SNX4: variants seen among roughly 807,000 people sequenced by gnomAD.
The protein encoded by SNX4 is sorting nexin 4.
In SNX4, 49 loss-of-function variants were observed where a neutral mutation model predicts 70.8. The observed-to-expected ratio is 0.69, with a 90% CI of 0.55 to 0.88. The LOEUF is 0.88. Ranked by LOEUF, SNX4 falls within the 40% of genes least tolerant of loss-of-function variation. The probability of loss-of-function intolerance (pLI) is 0.00; values close to 1 mark genes in which losing one functional copy is unlikely to be tolerated. For missense variants in SNX4, 528 were observed against 544.8 expected (o/e 0.97, Z 0.31); for synonymous variants, 206 against 183.8 (o/e 1.12, Z -0.98).
chr3:125,507,665 T>G (rs945577421), intron 1 of SNX4, among the ~76,000 whole-genome samples: 1 of 152,188 alleles, frequency 6.6e-6, no homozygotes, highest in Non-Finnish European at 1.5e-5. Context: ...AATAAGGTTA[T>G]CAGCAAATTT....
At chr3:125,500,909 C>G (rs1580004659) in intron 2 of SNX4, among the ~76,000 whole-genome samples, 1 of 106,680 alleles carries the variant, frequency 9.4e-6, no homozygotes, top group African/African-American at 3.6e-5. Context: ...AAAAAAATTA[C>G]AGAAACAAAA....
chr3:125,495,006 C>T (rs918849490), intron 5 of SNX4, among the ~76,000 whole-genome samples: 2 of 151,848 alleles, frequency 1.3e-5, no homozygotes. Flanking sequence ...TAATCCTCTG[C>T]TAAAATAGGC....
chr3:125,468,669 C>T (rs1934094446), intron 9 of SNX4, among the ~76,000 whole-genome samples: 1 of 152,094 alleles, frequency 6.6e-6, no homozygotes, highest in African/African-American at 2.4e-5. Flanking sequence ...AACATAGCAA[C>T]ACTCTGCCTC....
At chr3:125,453,985 TA>T in intron 11 of SNX4, 30 bp from the exon 12 acceptor site, 1 of 1,599,414 alleles carries the variant, frequency 6.3e-7, no homozygotes, top group Non-Finnish European at 8.5e-7. Flanking sequence ...GATGAATGGA[TA>T]AACAAAATGC....
chr3:125,484,503 C>T (rs1220063397), intron 6 of SNX4, among the ~76,000 whole-genome samples: 4 of 152,056 alleles, frequency 2.6e-5, no homozygotes, highest in African/African-American at 9.7e-5. Flanking sequence ...GATCTGCCCA[C>T]CTTGGCCTCT....
chr3:125,451,499 G>A (rs930589962), intron 12 of SNX4, 80 bp from the exon 13 acceptor site: 59 of 1,009,552 alleles, frequency 5.8e-5, no homozygotes, highest in Middle Eastern at 2.2e-4. Flanking sequence ...TCTCATTGGC[G>A]TTGGTTTTTA....
intron 1 of SNX4, among the ~76,000 whole-genome samples, chr3:125,511,464 C>G (rs540262042): frequency 8.6e-4 from 131 of 152,198 alleles, no homozygotes; most frequent in African/African-American, 2.9e-3. Flanking sequence ...ACCCTTGAGG[C>G]AGCAGAGTTT....
At chr3:125,457,236 A>G (rs901031461) in intron 11 of SNX4, 30 bp downstream of exon 11, 10 of 1,461,512 alleles carry the variant, frequency 6.8e-6, no homozygotes, top group Middle Eastern at 1.7e-4. Context: ...TTGCTACAGT[A>G]TCATCAGAGG....
intron 5 of SNX4, among the ~76,000 whole-genome samples, chr3:125,492,919 AG>A (rs1342807499): frequency 6.6e-6 from 1 of 152,180 alleles, no homozygotes; most frequent in Non-Finnish European, 1.5e-5. Context: ...GGCAGGGTCC[AG>A]GGTTCTTATG....
At chr3:125,479,947 G>GTC (rs1934373452) in intron 7 of SNX4, among the ~76,000 whole-genome samples, 1 of 151,906 alleles carries the variant, frequency 6.6e-6, no homozygotes, top group African/African-American at 2.4e-5. Context: ...AGAATATGAT[G>GTC]TGTAGATCTA....
intron 9 of SNX4, among the ~76,000 whole-genome samples, chr3:125,463,378 T>C (rs1156323862): frequency 6.6e-6 from 1 of 152,144 alleles, no homozygotes; most frequent in African/African-American, 2.4e-5. Context: ...GGCCTGAAGA[T>C]AGGAAACACA....
intron 5 of SNX4, among the ~76,000 whole-genome samples, chr3:125,489,706 C>T (rs567839502): frequency 7.2e-5 from 11 of 152,328 alleles, no homozygotes; most frequent in South Asian, 6.2e-4. Flanking sequence ...CAACTGTACA[C>T]ACCAACCAAT....
At chr3:125,464,273 A>G (rs1933952985) in intron 9 of SNX4, among the ~76,000 whole-genome samples, 1 of 152,128 alleles carries the variant, frequency 6.6e-6, no homozygotes, top group African/African-American at 2.4e-5. Context: ...TTGGTCATCA[A>G]AATTTAAACA....
chr3:125,518,731 G>A (rs537483508), intron 1 of SNX4, among the ~76,000 whole-genome samples: 119 of 152,104 alleles, frequency 7.8e-4, no homozygotes, highest in Middle Eastern at 6.8e-3. Context: ...GGCTGGGCAT[G>A]ATGGCTCACG....
intron 7 of SNX4, among the ~76,000 whole-genome samples, chr3:125,478,432 A>C (rs1303825468): frequency 6.8e-6 from 1 of 147,904 alleles, no homozygotes; most frequent in Non-Finnish European, 1.5e-5. Flanking sequence ...TTTTTTTTTA[A>C]GTGGTTCCAT....
At chr3:125,483,943 G>C (rs1380071537) in intron 6 of SNX4, among the ~76,000 whole-genome samples, 2 of 152,204 alleles carry the variant, frequency 1.3e-5, no homozygotes, top group Non-Finnish European at 2.9e-5. Context: ...GGTGTTCTTA[G>C]AGAAATATTA....
At chr3:125,513,598 A>G (rs1935214361) in intron 1 of SNX4, among the ~76,000 whole-genome samples, 1 of 152,240 alleles carries the variant, frequency 6.6e-6, no homozygotes, top group Admixed American at 6.5e-5. Context: ...AAGTAAATAT[A>G]AATCATCTGT....
rs572068798 is a variant in SNX4 at position 125,498,149 on chromosome 3, T to A, written c.309A>T (p.Leu103=). 6.2e-7 allele frequency: 1 copy of A among 1,614,152 alleles called. No individual in the cohort carries two copies. Among genetic ancestry groups the A allele is most frequent in the South Asian group, 1.1e-5 (1 of 91,088 alleles). The change falls in exon 3 of 14, where the codon CTA becomes CTT. Residue 103 remains leucine, a synonymous_variant. Coordinates refer to ENST00000251775, the MANE Select transcript of SNX4 (RefSeq NM_003794.4). ...TDGQSVLTDS[L]WRRYSEFELL... ...ACTCAAATTCACTATATCGCCGCCA[T>A]AGTGAGTCTGTTAGGACACTCTGAC...
intron 8 of SNX4, among the ~76,000 whole-genome samples, chr3:125,473,156 A>G (rs904812364): frequency 6.6e-6 from 1 of 152,060 alleles, no homozygotes; most frequent in African/African-American, 2.4e-5. Context: ...AGCGCCCAAT[A>G]GTTAGTTTGT....
Sources: gnomAD v4.1 joint callset for allele counts (sites outside exome capture counted in the v4.1 genomes callset) on GRCh38, gnomAD v4.1.1 for gene constraint, MANE v1.5 for transcripts, NCBI Gene and HGNC (gene_info 2026-07-23, HGNC 2026-07-21) for gene names.